Variants in HS2ST1 observed in about 807,000 individuals in gnomAD.
The protein encoded by HS2ST1 is 2-O-sulfotransferase.
HS2ST1 carries 18 observed loss-of-function variants against 42.9 expected under a neutral mutation model. The observed-to-expected ratio is 0.42, with a 90% CI of 0.29 to 0.62. HS2ST1 has a LOEUF of 0.62. Among genes scored for constraint, HS2ST1 ranks in the 20% least tolerant of loss-of-function variants. The probability of loss-of-function intolerance (pLI) is 0.21; values close to 1 mark genes in which losing one functional copy is unlikely to be tolerated. For synonymous variants in HS2ST1, 146 were observed against 152.9 expected (o/e 0.95, Z 0.33); for missense variants, 334 against 433.8 (o/e 0.77, Z 2.04).
chr1:86,946,811 A>G (rs1451670159), intron 1 of HS2ST1, among the ~76,000 whole-genome samples: 1 of 152,248 alleles, frequency 6.6e-6, no homozygotes, highest in Non-Finnish European at 1.5e-5. Context: ...TTCACTAACA[A>G]AAGACATTTG....
rs775025973 is a variant in HS2ST1 at position 87,072,943 on chromosome 1, T to C, written c.134T>C (p.Ile45Thr). ...EESRSKLERA[I>T]ARHEVREIEQ... ...CTGTTTTTCTTTCCAGAAAGGGCTATTGCAAGACACGAAGTCCGAGAAATT... is the reference window on the plus strand; with the variant it reads ...CTGTTTTTCTTTCCAGAAAGGGCTACTGCAAGACACGAAGTCCGAGAAATT... Residue 45 changes from isoleucine (I) to threonine (T), a missense_variant, in exon 2 of 7, where the codon ATT (isoleucine) becomes ACT (threonine). Coordinates refer to ENST00000370550, the MANE Select transcript of HS2ST1 (RefSeq NM_012262.4). 6 of 1,613,642 alleles carry C rather than the reference T, an allele frequency of 3.7e-6. No individual in the cohort carries two copies. Among genetic ancestry groups the C allele is most frequent in the Non-Finnish European group, 4.2e-6 (5 of 1,179,630 alleles).
At chr1:86,972,849 G>A (rs1025647980) in intron 1 of HS2ST1, among the ~76,000 whole-genome samples, 18 of 152,200 alleles carry the variant, frequency 1.2e-4, no homozygotes, top group African/African-American at 4.3e-4. Flanking sequence ...ATATAATCCA[G>A]GATTGCACAT....
chr1:87,064,093 T>TG (rs1422519501), intron 1 of HS2ST1, among the ~76,000 whole-genome samples: 1 of 152,072 alleles, frequency 6.6e-6, no homozygotes, highest in African/African-American at 2.4e-5. Flanking sequence ...GTACAGTTGG[T>TG]GGGGGGGCCG....
intron 1 of HS2ST1, among the ~76,000 whole-genome samples, chr1:86,916,785 A>C (rs1660168305): frequency 6.6e-6 from 1 of 152,198 alleles, no homozygotes; most frequent in African/African-American, 2.4e-5. Flanking sequence ...CTTGAAGTGG[A>C]AAGTTATATT....
intron 1 of HS2ST1, among the ~76,000 whole-genome samples, chr1:87,011,325 C>T (rs1649592878): frequency 6.6e-6 from 1 of 152,026 alleles, no homozygotes; most frequent in African/African-American, 2.4e-5. Context: ...TAGCTCACTG[C>T]AGCCTTGAAC....
chr1:86,935,645 G>A (rs1205200737), intron 1 of HS2ST1, among the ~76,000 whole-genome samples: 2 of 151,462 alleles, frequency 1.3e-5, no homozygotes, highest in African/African-American at 4.9e-5. Context: ...TATATGTTTA[G>A]TAGAGATGGG....
intron 1 of HS2ST1, among the ~76,000 whole-genome samples, chr1:86,999,240 G>A (rs1378054218): frequency 6.6e-6 from 1 of 151,832 alleles, no homozygotes. Context: ...GTGCAATGGT[G>A]CGATCTCGGC....
chr1:87,003,172 A>T (rs907204409), intron 1 of HS2ST1, among the ~76,000 whole-genome samples: 1 of 152,232 alleles, frequency 6.6e-6, no homozygotes, highest in Non-Finnish European at 1.5e-5. Flanking sequence ...ATAAGTTTTG[A>T]AGAAACCCTT....
At chr1:87,084,320 C>A in intron 3 of HS2ST1, 41 bp downstream of exon 3, 1 of 1,035,048 alleles carries the variant, frequency 9.7e-7, no homozygotes, top group Non-Finnish European at 1.5e-6. Flanking sequence ...ATGCTTTGTA[C>A]TCTAGTAACC....
In HS2ST1 at chr1:87,086,437, T is replaced by C. The variant is rs78317922; in HGVS notation, c.449+2158T>C. 8.5e-3 allele frequency among the ~76,000 whole-genome samples: 1,296 copies of C among 152,304 alleles called. 43 individuals are homozygous for C. The East Asian group carries it at 0.14, about 16-fold the overall frequency. On this transcript the variant is annotated intron_variant, in intron 3 of 6. Transcript: ENST00000370550. ...TGCTTTACTCTTCAAAACAATATTC[T>C]TGACTGGCATAGTACTTTGTGGAGT...
chr1:87,068,238 A>G (rs1570526341), intron 1 of HS2ST1, among the ~76,000 whole-genome samples: 1 of 152,054 alleles, frequency 6.6e-6, no homozygotes, highest in Non-Finnish European at 1.5e-5. Flanking sequence ...CTCTCTTATT[A>G]CCTTGAGCAA....
rs143113185 is a variant in HS2ST1 at position 86,953,774 on chromosome 1, T to A, written c.124+38614T>A. Among the ~76,000 whole-genome samples the A allele has an allele frequency of 1.1e-3, 170 of 151,754 alleles. 1 individual carries two copies. The East Asian group carries it at 0.024, about 21-fold the overall frequency. ...ACTCCCGTCTCAAAAAATAAAAAAA[T>A]TTAAAAATAAAGTGAATGACATGGG... is the stretch of plus-strand genomic sequence containing the variant. On this transcript the variant is annotated intron_variant, in intron 1 of 6. Coordinates refer to ENST00000370550, the MANE Select transcript of HS2ST1 (RefSeq NM_012262.4).
At chr1:86,942,297 C>A (rs183765835) in intron 1 of HS2ST1, among the ~76,000 whole-genome samples, 1 of 152,208 alleles carries the variant, frequency 6.6e-6, no homozygotes, top group Non-Finnish European at 1.5e-5. Context: ...CCAACTCTTT[C>A]ATCTTTAGTA....
At chr1:86,958,402 A>G (rs1178393143) in intron 1 of HS2ST1, 1 of 152,234 alleles carries the variant, frequency 6.6e-6, no homozygotes, top group Non-Finnish European at 1.5e-5. Flanking sequence ...GTGAATCATC[A>G]TAAAGGTCTT....
chr1:86,936,230 T>A (rs1233835294), intron 1 of HS2ST1, among the ~76,000 whole-genome samples: 1 of 152,142 alleles, frequency 6.6e-6, no homozygotes, highest in Non-Finnish European at 1.5e-5. Flanking sequence ...AAATTATTTT[T>A]AAATTTTTTC....
chr1:86,950,704 TG>T (rs1284405867), intron 1 of HS2ST1, among the ~76,000 whole-genome samples: 2 of 152,180 alleles, frequency 1.3e-5, no homozygotes, highest in Admixed American at 6.5e-5. Flanking sequence ...TGTGCAAGTA[TG>T]TGTAAAGAGA....
At chr1:87,021,870 A>C (rs1649962893) in intron 1 of HS2ST1, among the ~76,000 whole-genome samples, 1 of 152,194 alleles carries the variant, frequency 6.6e-6, no homozygotes, top group African/African-American at 2.4e-5. Context: ...AACTCTGACT[A>C]TACATTTCAA....
At chr1:86,953,033 T>G (rs1358163201) in intron 1 of HS2ST1, among the ~76,000 whole-genome samples, 1 of 152,230 alleles carries the variant, frequency 6.6e-6, no homozygotes, top group Admixed American at 6.5e-5. Context: ...TATAGTTTAT[T>G]GTAGCCACCT....
chr1:87,100,761 A>G (rs1298122830), intron 5 of HS2ST1, among the ~76,000 whole-genome samples: 2 of 152,194 alleles, frequency 1.3e-5, no homozygotes, highest in African/African-American at 2.4e-5. Flanking sequence ...TCATCTCTAC[A>G]AAACATAAAG....
Sources: allele counts gnomAD v4.1 joint callset (sites outside exome capture counted in the v4.1 genomes callset), GRCh38; gene constraint gnomAD v4.1.1; transcripts MANE v1.5; gene names NCBI Gene and HGNC (gene_info 2026-07-23, HGNC 2026-07-21).